The following SMCHD1 variants were observed in gnomAD, a reference collection of about 807,000 sequenced individuals.
SMCHD1 encodes the protein structural maintenance of chromosomes flexible hinge domain-containing protein 1.
SMCHD1 carries 78 observed loss-of-function variants against 254.7 expected under a neutral mutation model. The ratio of observed to expected loss-of-function variants is 0.31; its 90% CI spans 0.26 to 0.37. The LOEUF is 0.37. SMCHD1 is among the 10% of genes least tolerant of loss of function. The pLI is 1.00. For missense variants in SMCHD1, 1,840 were observed against 2,408.1 expected, an observed-to-expected ratio of 0.76 and a Z score of 4.94; for synonymous variants, 766 against 794.9, an observed-to-expected ratio of 0.96 and a Z score of 0.61.
chr18:2,724,532 A>C (rs777348366), intron 20 of SMCHD1, among the ~76,000 whole-genome samples: 2 of 152,194 alleles, frequency 1.3e-5, no homozygotes, highest in Admixed American at 6.5e-5. Flanking sequence ...GTAAATGCTG[A>C]GGACATCCTT....
chr18:2,665,555 G>C lies in SMCHD1; in HGVS notation c.187-602G>C, dbSNP rs568251103. 6.6e-5 allele frequency among the ~76,000 whole-genome samples: 10 copies of C among 152,194 alleles called. No individual in the cohort carries two copies. The East Asian group carries it at 1.2e-3, about 18-fold the overall frequency. ...GGGCTGGTCTTGAACTCCTGACCTTGTGATCCGACGGCCTCAGCCTCCCAA... is the reference window on the plus strand; with the variant it reads ...GGGCTGGTCTTGAACTCCTGACCTTCTGATCCGACGGCCTCAGCCTCCCAA... On this transcript the variant is annotated intron_variant, in intron 1 of 47. Coordinates refer to ENST00000320876, the MANE Select transcript of SMCHD1 (RefSeq NM_015295.3).
In SMCHD1 at chr18:2,666,706, T is replaced by G. The variant is rs646699; in HGVS notation, c.263-164T>G. Among the ~76,000 whole-genome samples, 26,173 of 152,184 alleles carry G rather than the reference T, an allele frequency of 0.17. 5,505 individuals are homozygous for G. Among genetic ancestry groups the G allele is most frequent in the African/African-American group, 0.5 (20,822 of 41,424 alleles). ...ATGGAAGGAAGTATTTGTGCTTGTT[T>G]CATTAATATCCTTAACATGACTTTG... On this transcript the variant is annotated intron_variant, in intron 2 of 47. Transcript: ENST00000320876.
intron 20 of SMCHD1, among the ~76,000 whole-genome samples, chr18:2,724,383 A>G (rs755914366): frequency 4.0e-5 from 6 of 151,892 alleles, no homozygotes; most frequent in African/African-American, 1.5e-4. Context: ...ATGGAAGTAG[A>G]TTAGGTGATG....
rs759808617 is a variant in SMCHD1 at position 2,709,246 on chromosome 18, A to ATATATATATATG, written c.2260+1330_2260+1331insTATATATGTATA. ...TGTGTATATGTGTATATATATATAT[A>ATATATATATATG]TATACACACACACATGTATACACAT... On this transcript the variant is annotated intron_variant, in intron 17 of 47. Transcript: ENST00000320876. Among the ~76,000 whole-genome samples the ATATATATATATG allele has an allele frequency of 2.4e-3, 260 of 107,464 alleles. 2 individuals carry two copies. The highest frequency in any genetic ancestry group is 5.3e-3 in the African/African-American group (179 of 33,704). 70.5% of individuals were successfully genotyped at this position (107,464 alleles called of 152,430 possible). A position where few individuals can be genotyped will look rare whatever the true frequency, so the allele number is the denominator to read the frequency against.
intron 42 of SMCHD1, among the ~76,000 whole-genome samples, chr18:2,777,485 C>G (rs1436994864): frequency 6.7e-6 from 1 of 149,840 alleles, no homozygotes; most frequent in African/African-American, 2.5e-5. Context: ...TTCACATGAA[C>G]AGTTATGTCA....
At chr18:2,728,622 T>C in intron 23 of SMCHD1, 26 bp downstream of exon 23, 1 of 1,604,960 alleles carries the variant, frequency 6.2e-7, no homozygotes, top group Admixed American at 1.7e-5. Context: ...GATATTTAGA[T>C]TGAGTCCCAT....
At chr18:2,744,578 G>A (rs1262723014) in intron 29 of SMCHD1, among the ~76,000 whole-genome samples, 1 of 151,916 alleles carries the variant, frequency 6.6e-6, no homozygotes, top group Admixed American at 6.6e-5. Context: ...TTTTTTTGTG[G>A]TGAAAACATT....
At position 2,740,788 on chromosome 18, in the gene SMCHD1, A is replaced by G. The variant is rs746477858; in HGVS notation, c.3600A>G (p.Gly1200=). The G allele has an allele frequency of 1.2e-6, 2 of 1,609,372 alleles. No homozygotes were observed. The highest frequency in any genetic ancestry group is 1.1e-5 in the South Asian group (1 of 90,254). The stretch of plus-strand genomic sequence containing the variant: ...CTTCTTTGTCAATTGCTGGGGTTGG[A>G]CTTGATAGCTCAAATTTGAAAACAA... ...SLSSLSIAGV[G]LDSSNLKTTF... Residue 1200 remains glycine, a synonymous_variant, in exon 28 of 48, where the codon GGA becomes GGG. Coordinates refer to ENST00000320876, the MANE Select transcript of SMCHD1 (RefSeq NM_015295.3).
In SMCHD1 at chr18:2,803,232, A is replaced by G. The variant is rs1219714658; in HGVS notation, c.*680A>G. 1 of 147,916 alleles carries G rather than the reference A, an allele frequency of 6.8e-6. No homozygotes were observed. Among genetic ancestry groups the G allele is most frequent in the East Asian group, 2.0e-4 (1 of 5,128 alleles). 9.2% of individuals were successfully genotyped at this position (147,916 alleles called of 1,614,324 possible). A position where few individuals can be genotyped will look rare whatever the true frequency, so the allele number is the denominator to read the frequency against. ...TATATATATATAAATATATATATAT[A>G]AAATATTCAGCAGCACCAAGTTTTA... On this transcript the variant is annotated 3_prime_UTR_variant, in exon 48 of 48. Coordinates refer to ENST00000320876, the MANE Select transcript of SMCHD1 (RefSeq NM_015295.3).
chr18:2,711,699 G>A (rs1488480080), intron 17 of SMCHD1, among the ~76,000 whole-genome samples: 1 of 151,532 alleles, frequency 6.6e-6, no homozygotes, highest in African/African-American at 2.4e-5. Context: ...AGCCGGGATG[G>A]TCTCGATCTC....
chr18:2,665,204 T>C (rs879417215), intron 1 of SMCHD1, among the ~76,000 whole-genome samples: 3 of 152,250 alleles, frequency 2.0e-5, no homozygotes, highest in Non-Finnish European at 2.9e-5. Context: ...TTAATGTGAT[T>C]TTACAGTTCA....
chr18:2,699,202 G>T (rs958918710), intron 10 of SMCHD1, among the ~76,000 whole-genome samples: 2 of 152,184 alleles, frequency 1.3e-5, no homozygotes, highest in African/African-American at 4.8e-5. Context: ...GAAATGGGTA[G>T]TTCACACCTC....
intron 44 of SMCHD1, among the ~76,000 whole-genome samples, chr18:2,781,158 TG>T (rs1203544910): frequency 6.6e-6 from 1 of 152,150 alleles, no homozygotes; most frequent in African/African-American, 2.4e-5. Flanking sequence ...ACCCCCTCTG[TG>T]GGGGGAAACC....
At position 2,738,552 on chromosome 18, in the gene SMCHD1, G is replaced by A. The variant is rs767440135; in HGVS notation, c.3425+7G>A. The A allele has an allele frequency of 6.2e-7, 1 of 1,601,980 alleles. No homozygotes were observed. Among genetic ancestry groups the A allele is most frequent in the South Asian group, 1.1e-5 (1 of 89,358 alleles). On this transcript the variant is annotated splice_region_variant and intron_variant, in intron 26 of 47. Transcript: ENST00000320876. ...AAAGTGCGTTTACAGTAAGGTTTGTGGACTCATTATATTTTGCAGCCTATG... is the reference window on the plus strand; with the variant it reads ...AAAGTGCGTTTACAGTAAGGTTTGTAGACTCATTATATTTTGCAGCCTATG...
intron 12 of SMCHD1, chr18:2,701,154 A>ATTT: frequency 7.1e-6 from 2 of 281,804 alleles, no homozygotes; most frequent in Non-Finnish European, 6.4e-6. Flanking sequence ...TATCTTCATT[A>ATTT]GTTTTTTTTG....
intron 28 of SMCHD1, among the ~76,000 whole-genome samples, chr18:2,742,471 A>G (rs145445069): frequency 1.0e-3 from 155 of 152,310 alleles, no homozygotes; most frequent in African/African-American, 3.6e-3. Flanking sequence ...CCTAAGATAG[A>G]CTTTGCATAT....
At chr18:2,656,475 C>T (rs781594464) in intron 1 of SMCHD1, among the ~76,000 whole-genome samples, 3 of 152,236 alleles carry the variant, frequency 2.0e-5, no homozygotes, top group African/African-American at 4.8e-5. Flanking sequence ...AGGGCCGGCT[C>T]CCCCGTGGCC....
chr18:2,753,848 T>C (rs1418529137), intron 34 of SMCHD1, among the ~76,000 whole-genome samples: 1 of 152,088 alleles, frequency 6.6e-6, no homozygotes, highest in Non-Finnish European at 1.5e-5. Context: ...TGAGCCACCG[T>C]GCCCGGCCCT....
chr18:2,720,967 T>G (rs1362425135), intron 19 of SMCHD1, among the ~76,000 whole-genome samples: 1 of 152,138 alleles, frequency 6.6e-6, no homozygotes, highest in Non-Finnish European at 1.5e-5. Context: ...CTTTTCTTCT[T>G]TCCCTGAAGA....
Sources: allele counts gnomAD v4.1 joint callset (sites outside exome capture counted in the v4.1 genomes callset), GRCh38; gene constraint gnomAD v4.1.1; transcripts MANE v1.5; gene names NCBI Gene and HGNC (gene_info 2026-07-23, HGNC 2026-07-21).